HSD17B12: variants seen among roughly 807,000 people sequenced by gnomAD.
HSD17B12 encodes hydroxysteroid 17-beta dehydrogenase 12.
A neutral mutation model predicts 39.3 loss-of-function variants in HSD17B12; 32 were observed. The observed-to-expected ratio is 0.81, with a 90% CI of 0.61 to 1.09. The LOEUF (loss-of-function observed/expected upper bound fraction) is 1.09, where lower values mean the gene tolerates loss of function less well. Among genes scored for constraint, HSD17B12 ranks in the 50% least tolerant of loss-of-function variants. HSD17B12 has a pLI of 0.00. For missense variants in HSD17B12, 342 were observed against 382.9 expected, an observed-to-expected ratio of 0.89 and a Z score of 0.89; for synonymous variants, 150 against 146.7, an observed-to-expected ratio of 1.02 and a Z score of -0.16.
At chr11:43,687,407 C>T (rs1245145717) in intron 1 of HSD17B12, among the ~76,000 whole-genome samples, 2 of 152,162 alleles carry the variant, frequency 1.3e-5, no homozygotes, top group East Asian at 3.9e-4. Flanking sequence ...AATGAATAAA[C>T]TGTGCTATGG....
At chr11:43,835,539 T>C (rs1951361236) in intron 7 of HSD17B12, among the ~76,000 whole-genome samples, 2 of 152,054 alleles carry the variant, frequency 1.3e-5, no homozygotes, top group African/African-American at 4.8e-5. Context: ...GGGAGGAAGG[T>C]TTTTGTTAGA....
At position 43,831,565 on chromosome 11, in the gene HSD17B12, A is replaced by G. The variant is rs10768986; in HGVS notation, c.536+555A>G. ...ATGCCGAATGTCTTCATTTTGATTG[A>G]GAAATATGTTGTAGATTTCTGTTAT... On this transcript the variant is annotated intron_variant, in intron 7 of 10. Coordinates refer to ENST00000278353, the MANE Select transcript of HSD17B12 (RefSeq NM_016142.3). The surrounding 1 kb of genome is among the most constrained non-coding windows in gnomAD (Gnocchi z 4.1). 49,034 of 152,158 alleles carry G rather than the reference A, an allele frequency of 0.32. 9,618 individuals carry two copies. Among genetic ancestry groups the G allele is most frequent in the East Asian group, 0.69 (3,583 of 5,170 alleles). 9.4% of individuals were successfully genotyped at this position (152,158 alleles called of 1,614,324 possible).
chr11:43,815,298 G>A (rs1590323017), intron 4 of HSD17B12, 139 bp from the exon 5 acceptor site: 1 of 446,530 alleles, frequency 2.2e-6, no homozygotes, highest in South Asian at 6.7e-5. Context: ...GAAAGGTGTG[G>A]AAAAGGTTAT....
chr11:43,656,846 G>T, the HSD17B12 span, among the ~76,000 whole-genome samples: 4 of 152,180 alleles, frequency 2.6e-5, no homozygotes, highest in Non-Finnish European at 5.9e-5. Context: ...TGGAATAGGT[G>T]TGGTGTGGTA....
chr11:43,778,904 A>C (rs1950737569), intron 3 of HSD17B12, among the ~76,000 whole-genome samples: 1 of 152,226 alleles, frequency 6.6e-6, no homozygotes. Flanking sequence ...CTGTATTGTG[A>C]ACTAATTTTA....
chr11:43,688,922 CAT>C (rs1258350373), intron 1 of HSD17B12, among the ~76,000 whole-genome samples: 9 of 152,082 alleles, frequency 5.9e-5, no homozygotes, highest in African/African-American at 1.7e-4. Context: ...TATTAAGTAA[CAT>C]ATATTTAAGA....
intron 3 of HSD17B12, among the ~76,000 whole-genome samples, chr11:43,779,530 T>C (rs1046442701): frequency 8.5e-5 from 13 of 152,328 alleles, no homozygotes; most frequent in African/African-American, 2.9e-4. Context: ...TCTTCCTCTG[T>C]GAATCTTTGT....
At chr11:43,742,134 TA>T (rs1445757073) in intron 1 of HSD17B12, among the ~76,000 whole-genome samples, 2,979 of 115,462 alleles carry the variant, frequency 0.026, 93 homozygotes, top group African/African-American at 0.083. Context: ...TATATATATA[TA>T]TATATTTTTT....
chr11:43,809,036 A>G (rs1951044833), intron 4 of HSD17B12, among the ~76,000 whole-genome samples: 1 of 152,216 alleles, frequency 6.6e-6, no homozygotes, highest in Non-Finnish European at 1.5e-5. Flanking sequence ...TATAAATAGC[A>G]GCAGCTCTGG....
chr11:43,627,959 T>G, the HSD17B12 span, among the ~76,000 whole-genome samples: 3 of 151,996 alleles, frequency 2.0e-5, no homozygotes, highest in Admixed American at 2.0e-4. Flanking sequence ...TAATGACTTT[T>G]TTTTTAATTG....
At chr11:43,614,523 T>C in the HSD17B12 span, among the ~76,000 whole-genome samples, 1 of 152,172 alleles carries the variant, frequency 6.6e-6, no homozygotes, top group Non-Finnish European at 1.5e-5. Context: ...TGGTGTCATG[T>C]TTGTGTTTTT....
At chr11:43,667,039 G>A in the HSD17B12 span, among the ~76,000 whole-genome samples, 2 of 152,194 alleles carry the variant, frequency 1.3e-5, no homozygotes, top group Admixed American at 1.3e-4. Flanking sequence ...AGCTTCCATA[G>A]TCACACCATT....
chr11:43,594,904 C>T, the HSD17B12 span, among the ~76,000 whole-genome samples: 1 of 152,106 alleles, frequency 6.6e-6, no homozygotes. Flanking sequence ...AGAGCAAACA[C>T]CTTTTACTTG....
the HSD17B12 span, among the ~76,000 whole-genome samples, chr11:43,562,823 A>C: frequency 6.6e-6 from 1 of 152,204 alleles, no homozygotes; most frequent in Non-Finnish European, 1.5e-5. Flanking sequence ...CTTTCACTTC[A>C]ACTAGGAACT....
chr11:43,816,308 T>C, intron 5 of HSD17B12, 39 bp from the exon 6 acceptor site: 4 of 1,412,256 alleles, frequency 2.8e-6, no homozygotes, highest in Non-Finnish European at 2.9e-6. Flanking sequence ...GTCACTTTCA[T>C]GATCAAGTGT....
chr11:43,628,093 A>G, the HSD17B12 span, among the ~76,000 whole-genome samples: 1 of 150,956 alleles, frequency 6.6e-6, no homozygotes, highest in Admixed American at 6.6e-5. Context: ...TAATAGTGAT[A>G]CCCCATTTTG....
the HSD17B12 span, among the ~76,000 whole-genome samples, chr11:43,605,887 A>T: frequency 3.3e-5 from 5 of 152,230 alleles, no homozygotes; most frequent in Non-Finnish European, 7.3e-5. Context: ...TGTGTGTTTG[A>T]AAATACAGCA....
the HSD17B12 span, chr11:43,556,871 C>G: frequency 3.3e-5 from 5 of 151,762 alleles, no homozygotes; most frequent in Admixed American, 3.3e-4. Context: ...CTCCCCCACC[C>G]CCTCACCAGT....
At chr11:43,622,724 T>G in the HSD17B12 span, among the ~76,000 whole-genome samples, 9 of 152,140 alleles carry the variant, frequency 5.9e-5, no homozygotes, top group Non-Finnish European at 1.0e-4. Flanking sequence ...CCTGTCCCCT[T>G]GATTTTACTG....
Sources: gnomAD v4.1 joint callset for allele counts (sites outside exome capture counted in the v4.1 genomes callset) on GRCh38, gnomAD v4.1.1 for gene constraint, Gnocchi (gnomAD v3.1) non-coding constraint, MANE v1.5 for transcripts, NCBI Gene and HGNC (gene_info 2026-07-23, HGNC 2026-07-21) for gene names.